The following ARMC2 variants were observed in gnomAD, a reference collection of about 807,000 sequenced individuals.
ARMC2 encodes the protein armadillo repeat containing 2.
Under a neutral mutation model 90.3 loss-of-function variants are expected in ARMC2, and 67 were observed. The ratio of observed to expected loss-of-function variants is 0.74; its 90% CI spans 0.61 to 0.91. The LOEUF is 0.91. ARMC2 is among the 40% of genes least tolerant of loss of function. ARMC2 has a pLI of 0.00. For synonymous variants in ARMC2, 393 were observed against 393.0 expected, an observed-to-expected ratio of 1.00 and a Z score of 0.00; for missense variants, 920 against 1,030.9, an observed-to-expected ratio of 0.89 and a Z score of 1.47.
chr6:109,026,729 T>C, the ARMC2 span, among the ~76,000 whole-genome samples: 2 of 152,076 alleles, frequency 1.3e-5, no homozygotes, highest in Admixed American at 1.3e-4. Context: ...GGTCTCGATC[T>C]CTTGACCTCA....
chr6:108,874,421 A>G (rs1324092417), intron 4 of ARMC2, among the ~76,000 whole-genome samples: 1 of 152,242 alleles, frequency 6.6e-6, no homozygotes, highest in African/African-American at 2.4e-5. Flanking sequence ...AACGAATGCT[A>G]AAAGATAACG....
the ARMC2 span, among the ~76,000 whole-genome samples, chr6:109,038,934 A>G: frequency 6.7e-6 from 1 of 149,990 alleles, no homozygotes; most frequent in African/African-American, 2.5e-5. Flanking sequence ...AGGAGAAGAA[A>G]AGAGAAGAAG....
chr6:108,901,883 G>A (rs527253276), intron 7 of ARMC2, among the ~76,000 whole-genome samples: 1 of 152,294 alleles, frequency 6.6e-6, no homozygotes, highest in East Asian at 1.9e-4. Context: ...TCTCTTTCGT[G>A]ATCTTGATGT....
chr6:109,037,001 G>C, the ARMC2 span, among the ~76,000 whole-genome samples: 2 of 152,168 alleles, frequency 1.3e-5, no homozygotes, highest in Non-Finnish European at 2.9e-5. Flanking sequence ...TACCGATCAA[G>C]GTCCCTTGTC....
intron 10 of ARMC2, among the ~76,000 whole-genome samples, chr6:108,918,658 C>T (rs1774239378): frequency 6.6e-6 from 1 of 152,092 alleles, no homozygotes; most frequent in Admixed American, 6.5e-5. Flanking sequence ...GATAGCACCG[C>T]ACTGGAGCCC....
At chr6:108,907,458 CTT>C (rs759986578) in intron 8 of ARMC2, among the ~76,000 whole-genome samples, 4,946 of 104,384 alleles carry the variant, frequency 0.047, 205 homozygotes, top group East Asian at 0.25. Context: ...TTCTTTCTTT[CTT>C]TTTTTTTTTT....
rs567185433 is a variant in ARMC2, at chr6:108,871,389, C to T, written c.463+2394C>T. On this transcript the variant is annotated intron_variant, in intron 4 of 17. Coordinates refer to ENST00000392644, the MANE Select transcript of ARMC2 (RefSeq NM_032131.6). ...TGAGGAGCTTTTCAAACGCTCCCCC[C>T]GCAACCCGAGTCCCGTGTCAGCTCA... Among the ~76,000 whole-genome samples, 91 of 152,192 alleles carry T rather than the reference C, an allele frequency of 6.0e-4. 1 individual carries two copies. The highest frequency in any genetic ancestry group is 8.8e-4 in the Non-Finnish European group (60 of 67,998).
At chr6:108,932,742 A>G (rs1775674567) in intron 11 of ARMC2, among the ~76,000 whole-genome samples, 1 of 151,638 alleles carries the variant, frequency 6.6e-6, no homozygotes, top group Non-Finnish European at 1.5e-5. Context: ...GTTAGCCAGG[A>G]TGGTCTCGAT....
At chr6:108,923,004 A>C (rs1774735395) in intron 10 of ARMC2, 1 of 152,192 alleles carries the variant, frequency 6.6e-6, no homozygotes, top group Non-Finnish European at 1.5e-5. Flanking sequence ...GTGGATTATC[A>C]GTGTCATTTT....
chr6:108,994,633 T>C, the ARMC2 span: 1 of 1,595,374 alleles, frequency 6.3e-7, no homozygotes, highest in Non-Finnish European at 8.6e-7. Context: ...ACAATTAATG[T>C]TACATGTGGC....
In ARMC2 at chr6:108,874,883, TA is replaced by T. The variant is rs1776787320; in HGVS notation, c.464-1256del. On this transcript the variant is annotated intron_variant, in intron 4 of 17. Transcript: ENST00000392644. Reference sequence around the variant, plus strand: ...GAATCTCTAAGGTTCCTTTCAGTTTTAAAATTTAGCGTTTTGAAAGCAGGGA... The same window carrying T: ...GAATCTCTAAGGTTCCTTTCAGTTTTAAATTTAGCGTTTTGAAAGCAGGGA... Among the ~76,000 whole-genome samples, 3 of 152,272 alleles carry T rather than the reference TA, an allele frequency of 2.0e-5. No homozygotes were observed. The South Asian group carries it at 6.2e-4, about 32-fold the overall frequency.
chr6:108,915,843 C>T (rs538634546), intron 10 of ARMC2, among the ~76,000 whole-genome samples: 3 of 152,076 alleles, frequency 2.0e-5, no homozygotes, highest in Admixed American at 6.6e-5. Flanking sequence ...GAGATCAGAG[C>T]GGCAGAAAGA....
At chr6:109,021,604 ATTTTTTT>A in the ARMC2 span, among the ~76,000 whole-genome samples, 3 of 150,940 alleles carry the variant, frequency 2.0e-5, no homozygotes. Context: ...AGCCTGGCTA[ATTTTTTT>A]TTGTATTTTT....
chr6:108,992,934 T>C, the ARMC2 span: 6 of 1,343,968 alleles, frequency 4.5e-6, no homozygotes, highest in Non-Finnish European at 5.3e-6. Context: ...TTTTTAAAAA[T>C]AGGATGCTAG....
At chr6:109,011,335 T>C in the ARMC2 span, among the ~76,000 whole-genome samples, 4 of 152,316 alleles carry the variant, frequency 2.6e-5, no homozygotes, top group Non-Finnish European at 4.4e-5. Flanking sequence ...GATTCCTTTT[T>C]CCCCCAGATA....
chr6:108,881,143 C>T (rs997458537), intron 5 of ARMC2, among the ~76,000 whole-genome samples: 3 of 152,008 alleles, frequency 2.0e-5, no homozygotes, highest in Non-Finnish European at 4.4e-5. Context: ...CGTGAGCCAC[C>T]GTGGCTGGCT....
At chr6:108,860,847 A>C (rs1238427666) in intron 3 of ARMC2, among the ~76,000 whole-genome samples, 1 of 152,104 alleles carries the variant, frequency 6.6e-6, no homozygotes, top group East Asian at 1.9e-4. Flanking sequence ...AGTATCTTCC[A>C]CGCTGTTTCC....
chr6:108,928,880 TA>T (rs1562399710), intron 11 of ARMC2, among the ~76,000 whole-genome samples: 1 of 152,228 alleles, frequency 6.6e-6, no homozygotes. Flanking sequence ...TCTTGAACTA[TA>T]ATGTTGTAGT....
chr6:108,952,955 A>G, intron 12 of ARMC2, 78 bp from the exon 13 acceptor site: 1 of 1,324,364 alleles, frequency 7.6e-7, no homozygotes, highest in South Asian at 1.5e-5. Flanking sequence ...AATTGTGAAT[A>G]AATTAAATAC....
Sources: gnomAD v4.1 joint callset for allele counts (sites outside exome capture counted in the v4.1 genomes callset) on GRCh38, gnomAD v4.1.1 for gene constraint, MANE v1.5 for transcripts, NCBI Gene and HGNC (gene_info 2026-07-23, HGNC 2026-07-21) for gene names.